Variants in RYR2 observed in about 807,000 individuals in gnomAD.
RYR2 encodes ryanodine receptor 2, also known as cardiac muscle ryanodine receptor-calcium release channel.
In RYR2, 227 loss-of-function variants were observed where a neutral mutation model predicts 601.1. That is an observed-to-expected ratio of 0.38 (90% CI 0.34 to 0.42). The LOEUF is 0.42. Ranked by LOEUF, RYR2 falls within the 10% of genes least tolerant of loss-of-function variation. The pLI, the probability that RYR2 is intolerant of heterozygous loss-of-function variation, is 1.00. For missense variants in RYR2, 4,646 were observed against 6,156.5 expected, an observed-to-expected ratio of 0.75 and a Z score of 8.21; for synonymous variants, 2,223 against 2,175.1, an observed-to-expected ratio of 1.02 and a Z score of -0.61.
At position 237,783,871 on chromosome 1, in the gene RYR2, G is replaced by C; in HGVS notation, c.12159G>C (p.Glu4053Asp). The C allele has an allele frequency of 6.2e-7, 1 of 1,613,840 alleles. No individual in the cohort carries two copies. Among genetic ancestry groups the C allele is most frequent in the Non-Finnish European group, 8.5e-7 (1 of 1,179,834 alleles). Residue 4053 changes from glutamate to aspartate, a missense_variant, in exon 90 of 105, where the codon GAG (glutamate) becomes GAC (aspartate). Around this residue, in one of 17 missense-constraint regions of RYR2, gnomAD observed 66 missense variants for 80.7 expected, o/e 0.82. Coordinates refer to ENST00000366574, the MANE Select transcript of RYR2 (RefSeq NM_001035.3). ...ISKRDFHKAM[E>D]SHKHYTQSET... ...AGAGGGACTTCCACAAAGCGATGGA[G>C]AGCCATAAGCACTACACGCAGTCAG...
At chr1:237,323,844 A>T (rs1362101759) in intron 2 of RYR2, among the ~76,000 whole-genome samples, 1 of 152,218 alleles carries the variant, frequency 6.6e-6, no homozygotes, top group Non-Finnish European at 1.5e-5. Context: ...AAGACCGGGG[A>T]AAACCCAGAG....
intron 1 of RYR2, among the ~76,000 whole-genome samples, chr1:237,227,721 G>A (rs1336473908): frequency 1.3e-5 from 2 of 152,182 alleles, no homozygotes; most frequent in South Asian, 2.1e-4. Context: ...GTGATGGGAC[G>A]GCGGCCTGCC....
intron 3 of RYR2, among the ~76,000 whole-genome samples, chr1:237,336,534 A>G (rs1697248990): frequency 6.6e-6 from 1 of 152,182 alleles, no homozygotes; most frequent in South Asian, 2.1e-4. Context: ...TTTTATGAAA[A>G]ATGGAGCTGT....
rs533243668 is a variant in RYR2 at position 237,195,262 on chromosome 1, C to T, written c.49-75235C>T. Among the ~76,000 whole-genome samples the T allele has an allele frequency of 5.1e-4, 77 of 152,216 alleles. 1 individual carries two copies. The highest frequency in any genetic ancestry group is 1.7e-3 in the African/African-American group (72 of 41,550). ...GTGAAAATTAAATGACCCAATATCT[C>T]GGCACTTAGCAATAACCAGTCGCTC... On this transcript the variant is annotated intron_variant, in intron 1 of 104. Coordinates refer to ENST00000366574, the MANE Select transcript of RYR2 (RefSeq NM_001035.3).
chr1:237,525,818 A>G (rs903327928), intron 24 of RYR2, among the ~76,000 whole-genome samples: 4 of 151,988 alleles, frequency 2.6e-5, no homozygotes, highest in Admixed American at 6.5e-5. Context: ...CATCTCTACT[A>G]AAAATACAAA....
At chr1:237,566,168 C>T (rs111629730) in intron 27 of RYR2, among the ~76,000 whole-genome samples, 1,727 of 152,274 alleles carry the variant, frequency 0.011, 18 homozygotes, top group Non-Finnish European at 0.016. Flanking sequence ...CTCACCCGTA[C>T]ATGTCTACTC....
rs559909776 is a variant in RYR2, at chr1:237,801,991, G to C, written c.14151+75G>C. 22 of 861,252 alleles carry C rather than the reference G, an allele frequency of 2.6e-5. No homozygotes were observed. In the South Asian group the frequency reaches 2.9e-4, roughly 11 times the overall value. 53.4% of individuals were successfully genotyped at this position (861,252 alleles called of 1,614,324 possible). ...ACTGTGGGAGTTCTGCAGATGGAAG[G>C]CTGGTTATTTAGAAAATGTTTCGAA... On this transcript the variant is annotated intron_variant, in intron 98 of 104. Transcript: ENST00000366574.
chr1:237,210,526 G>C (rs1436617856), intron 1 of RYR2, among the ~76,000 whole-genome samples: 3 of 152,110 alleles, frequency 2.0e-5, no homozygotes, highest in African/African-American at 7.2e-5. Context: ...GACTGAGTCA[G>C]GGTTTTCTCT....
intron 10 of RYR2, among the ~76,000 whole-genome samples, chr1:237,403,178 T>C (rs1256931084): frequency 6.6e-6 from 1 of 152,112 alleles, no homozygotes; most frequent in East Asian, 1.9e-4. Flanking sequence ...AGCTACTGAT[T>C]CAAGAAAAAC....
rs1680724615 is a variant in RYR2 at position 237,634,950 on chromosome 1, T to C, written c.6750T>C (p.Asn2250=). ...LDVAAASVMD[N]NELALALREP... ...TGGCTGCAGCTTCGGTGATGGATAA[T>C]AATGAACTAGCATTAGCTCTGCGTG... The change falls in exon 44 of 105, where the codon AAT becomes AAC. Residue 2250 remains asparagine (N), a synonymous_variant. Coordinates refer to ENST00000366574, the MANE Select transcript of RYR2 (RefSeq NM_001035.3). The C allele has an allele frequency of 2.5e-6, 4 of 1,609,284 alleles. No homozygotes were observed. The highest frequency in any genetic ancestry group is 2.2e-5 in the South Asian group (2 of 89,488).
At chr1:237,460,081 ATG>A (rs1659301475) in intron 16 of RYR2, among the ~76,000 whole-genome samples, 1 of 152,048 alleles carries the variant, frequency 6.6e-6, no homozygotes, top group Non-Finnish European at 1.5e-5. Flanking sequence ...CAGCTGCTTT[ATG>A]TCTCCACTCT....
chr1:237,046,330 G>T (rs1327513441), intron 1 of RYR2, among the ~76,000 whole-genome samples: 1 of 152,168 alleles, frequency 6.6e-6, no homozygotes, highest in Non-Finnish European at 1.5e-5. Context: ...TTCTTTCCAG[G>T]AGAGAAAGGC....
chr1:237,355,883 T>A (rs377246001), intron 3 of RYR2, 82 bp from the exon 4 acceptor site: 14 of 1,245,452 alleles, frequency 1.1e-5, no homozygotes, highest in African/African-American at 1.5e-5. Context: ...CAAATTGATA[T>A]CAATTCATTT....
chr1:237,732,080 G>A lies in RYR2; in HGVS notation c.10970G>A (p.Gly3657Asp), dbSNP rs876661020. Reference protein sequence around the residue: ...PGAEPPEEDEGTKRVDPLHQL... With the variant: ...PGAEPPEEDEDTKRVDPLHQL... Reference sequence around the variant, plus strand: ...GCTGAACCTCCAGAAGAAGATGAAGGCACTAAGAGAGTTGATCCTCTACAT... The same window carrying A: ...GCTGAACCTCCAGAAGAAGATGAAGACACTAAGAGAGTTGATCCTCTACAT... Residue 3657 changes from glycine (G) to aspartate (D), a missense_variant, in exon 78 of 105, where the codon GGC (glycine) becomes GAC (aspartate). Physicochemically the swap from Gly to Asp is moderately conservative, Grantham distance 94. Around this residue, in one of 17 missense-constraint regions of RYR2, gnomAD observed 1,497 missense variants for 1,842.6 expected, o/e 0.81. Transcript: ENST00000366574. The A allele has an allele frequency of 1.9e-6, 3 of 1,609,622 alleles. No individual in the cohort carries two copies. Among genetic ancestry groups the A allele is most frequent in the African/African-American group, 1.3e-5 (1 of 74,712 alleles).
At chr1:237,125,706 AAAAC>A (rs1325643645) in intron 1 of RYR2, among the ~76,000 whole-genome samples, 1 of 152,260 alleles carries the variant, frequency 6.6e-6, no homozygotes, top group Non-Finnish European at 1.5e-5. Flanking sequence ...TTCTTTGTAA[AAAAC>A]AAACATGTAT....
At chr1:237,437,025 T>C (rs1707455116) in intron 12 of RYR2, among the ~76,000 whole-genome samples, 1 of 151,460 alleles carries the variant, frequency 6.6e-6, no homozygotes, top group East Asian at 1.9e-4. Flanking sequence ...TCTGGGTCTA[T>C]TTTATTTATT....
intron 1 of RYR2, among the ~76,000 whole-genome samples, chr1:237,210,905 C>G (rs1462954973): frequency 6.6e-6 from 1 of 152,134 alleles, no homozygotes; most frequent in African/African-American, 2.4e-5. Context: ...ACCTTTGAAG[C>G]TTTTATGTGT....
chr1:237,587,759 A>G (rs1159492069), intron 29 of RYR2, among the ~76,000 whole-genome samples: 1 of 152,208 alleles, frequency 6.6e-6, no homozygotes, highest in Non-Finnish European at 1.5e-5. Context: ...AAGTATTTCA[A>G]ATATGCAGAA....
intron 98 of RYR2, among the ~76,000 whole-genome samples, chr1:237,803,259 G>A (rs866583666): frequency 1.3e-5 from 2 of 151,718 alleles, no homozygotes; most frequent in African/African-American, 2.4e-5. Flanking sequence ...CACTTAGGTC[G>A]TTACTCATCT....
Sources: allele counts gnomAD v4.1 joint callset (sites outside exome capture counted in the v4.1 genomes callset), GRCh38; gene constraint gnomAD v4.1.1; regional missense constraint gnomAD v4.1.1; transcripts MANE v1.5; gene names NCBI Gene and HGNC (gene_info 2026-07-23, HGNC 2026-07-21).